Variants in TICRR observed in about 807,000 individuals in gnomAD.
TICRR encodes the protein treslin.
Under a neutral mutation model 178.1 loss-of-function variants are expected in TICRR, and 132 were observed. The ratio of observed to expected loss-of-function variants is 0.74; its 90% confidence interval spans 0.64 to 0.86. The LOEUF (loss-of-function observed/expected upper bound fraction) is 0.86, where lower values mean the gene tolerates loss of function less well. TICRR is among the 40% of genes least tolerant of loss of function. The pLI, the probability that TICRR is intolerant of heterozygous loss-of-function variation, is 0.00. For missense variants in TICRR, 2,587 were observed against 2,334.3 expected, an observed-to-expected ratio of 1.11 and a Z score of -2.23; for synonymous variants, 991 against 900.7, an observed-to-expected ratio of 1.10 and a Z score of -1.79.
In TICRR at chr15:89,585,704, G is replaced by A. The variant is rs375398059; in HGVS notation, c.1177-4G>A. 31 of 1,607,780 alleles carry A rather than the reference G, an allele frequency of 1.9e-5. No homozygotes were observed. Among genetic ancestry groups the A allele is most frequent in the Middle Eastern group, 1.6e-4 (1 of 6,074 alleles). On this transcript the variant is annotated splice_polypyrimidine_tract_variant and splice_region_variant and intron_variant, in intron 3 of 21. Transcript: ENST00000268138. ...TTCTCAACTAATTAGGGCTTCTCAC[G>A]TAGGTTGCTGATGTGGACCCTGGTG...
chr15:89,601,728 G>C lies in TICRR; in HGVS notation c.2328-9G>C. ...TAACTGTTCCGTATTCGATCAATCT[G>C]TTCCACAGGTATATTGACTCTATCC... On this transcript the variant is annotated splice_polypyrimidine_tract_variant and intron_variant, in intron 11 of 21. Coordinates refer to ENST00000268138, the MANE Select transcript of TICRR (RefSeq NM_152259.4). 1.2e-6 allele frequency: 2 copies of C among 1,614,090 alleles called. No homozygotes were observed. Among genetic ancestry groups the C allele is most frequent in the African/African-American group, 2.7e-5 (2 of 75,040 alleles).
At chr15:89,595,099 A>G (rs952639151) in intron 6 of TICRR, among the ~76,000 whole-genome samples, 1 of 152,202 alleles carries the variant, frequency 6.6e-6, no homozygotes, top group Non-Finnish European at 1.5e-5. Context: ...GCCATTGGGT[A>G]ACACCAAAAT....
At position 89,584,302 on chromosome 15, in the gene TICRR, A is replaced by G; in HGVS notation, c.951A>G (p.Gln317=). The G allele has an allele frequency of 3.1e-6, 5 of 1,605,838 alleles. No homozygotes were observed. The highest frequency in any genetic ancestry group is 4.3e-6 in the Non-Finnish European group (5 of 1,176,418). The change falls in exon 3 of 22, where the codon CAA becomes CAG. Residue 317 remains glutamine (Q), a synonymous_variant. Transcript: ENST00000268138. ...TATTTCTAGCAGGCAAAGAGATTCA[A>G]GAAACATGGACAGTCACCCTAGAGC... ...FLPVEAGKEI[Q]ETWTVTLEPL... is the part of the protein sequence containing the mutation.
At chr15:89,593,458 A>G (rs1962946351) in intron 5 of TICRR, among the ~76,000 whole-genome samples, 1 of 152,162 alleles carries the variant, frequency 6.6e-6, no homozygotes, top group African/African-American at 2.4e-5. Flanking sequence ...TAACCCCAGT[A>G]CTTTGGGAAG....
chr15:89,617,773 C>T (rs904916116), intron 16 of TICRR, among the ~76,000 whole-genome samples: 2 of 150,500 alleles, frequency 1.3e-5, no homozygotes, highest in Non-Finnish European at 2.9e-5. Flanking sequence ...CTCACTGCAA[C>T]GTCTGCCTCC....
chr15:89,582,661 A>C, intron 1 of TICRR, 25 bp from the exon 2 acceptor site: 2 of 1,606,184 alleles, frequency 1.2e-6, no homozygotes, highest in Non-Finnish European at 1.7e-6. Flanking sequence ...ATAGTAACCT[A>C]AGGTTGTTTG....
intron 19 of TICRR, among the ~76,000 whole-genome samples, chr15:89,622,406 G>C (rs1223887589): frequency 1.3e-5 from 2 of 152,200 alleles, no homozygotes; most frequent in East Asian, 3.9e-4. Flanking sequence ...TCCACCCAGA[G>C]GTCAGAGTGA....
rs369290342 is a variant in TICRR, at chr15:89,582,674, G to A, written c.655-12G>A. On this transcript the variant is annotated splice_polypyrimidine_tract_variant and intron_variant, in intron 1 of 21. Coordinates refer to ENST00000268138, the MANE Select transcript of TICRR (RefSeq NM_152259.4). ...TTATAGTAACCTAAGGTTGTTTGTC[G>A]TTTTATTTTAGTTGTGGGAATCCCC... is the stretch of plus-strand genomic sequence containing the variant. The A allele has an allele frequency of 1.1e-4, 169 of 1,608,802 alleles. No individual in the cohort carries two copies. The highest frequency in any genetic ancestry group is 3.6e-4 in the African/African-American group (27 of 74,742).
intron 7 of TICRR, among the ~76,000 whole-genome samples, chr15:89,598,626 A>G (rs1963040377): frequency 6.6e-6 from 1 of 151,804 alleles, no homozygotes; most frequent in Admixed American, 6.6e-5. Context: ...GGCCTCCCAA[A>G]CTGTTAGGAT....
chr15:89,613,066 C>T (rs1026446715), intron 15 of TICRR, among the ~76,000 whole-genome samples: 3 of 152,146 alleles, frequency 2.0e-5, no homozygotes, highest in Non-Finnish European at 4.4e-5. Context: ...ACCCTAGTGC[C>T]CTTTCCTTTC....
intron 2 of TICRR, 151 bp from the exon 3 acceptor site, chr15:89,584,135 G>A (rs1225108232): frequency 9.4e-6 from 7 of 748,198 alleles, no homozygotes; most frequent in Non-Finnish European, 1.4e-5. Context: ...GTGTTGAAGT[G>A]TTCAACTAAG....
rs1962591654 is a variant in TICRR, at chr15:89,575,477, G to C, written c.-110G>C. 9 of 1,146,412 alleles carry C rather than the reference G, an allele frequency of 7.9e-6. No homozygotes were observed. In the South Asian group the frequency reaches 1.0e-4, roughly 13 times the overall value. 71.0% of individuals were successfully genotyped at this position (1,146,412 alleles called of 1,614,324 possible). A position where few individuals can be genotyped will look rare whatever the true frequency, so the allele number is the denominator to read the frequency against. On this transcript the variant is annotated 5_prime_UTR_variant, in exon 1 of 22. Transcript: ENST00000268138. The stretch of plus-strand genomic sequence containing the variant: ...TTCCTGGAGAGCGCGGGAGCCTTTC[G>C]ACCAGGGTCCCAAAGGAAAGCAGTG...
At chr15:89,615,203 G>C (rs1020754918) in intron 15 of TICRR, among the ~76,000 whole-genome samples, 1 of 152,184 alleles carries the variant, frequency 6.6e-6, no homozygotes, top group Non-Finnish European at 1.5e-5. Flanking sequence ...TGCTGTCAGG[G>C]AAAAAGGTGG....
chr15:89,607,232 G>A (rs994021874), intron 14 of TICRR, among the ~76,000 whole-genome samples: 3 of 152,062 alleles, frequency 2.0e-5, no homozygotes, highest in African/African-American at 7.2e-5. Context: ...TGAAGAAGCG[G>A]TGTATGCTAG....
intron 15 of TICRR, 31 bp from the exon 16 acceptor site, chr15:89,616,374 A>G: frequency 6.3e-7 from 1 of 1,599,434 alleles, no homozygotes; most frequent in Non-Finnish European, 8.6e-7. Context: ...GTTAAATGAA[A>G]TTTATGATTT....
At position 89,595,758 on chromosome 15, in the gene TICRR, C is replaced by G. The variant is rs570651385; in HGVS notation, c.1900+147C>G. 7.7e-6 allele frequency: 5 copies of G among 652,358 alleles called. No homozygotes were observed. In the East Asian group the frequency reaches 1.1e-4, roughly 15 times the overall value. The allele number at this position is 652,358 out of a possible 1,614,324, so 40.4% of individuals were successfully genotyped here. ...GTAAATAATAAGATAATGTGCTATT[C>G]TTAGATTTATGATCTAGCTACAAAG... On this transcript the variant is annotated intron_variant, in intron 7 of 21. Transcript: ENST00000268138.
Position 89,623,820 on chromosome 15 carries a change from T to G in TICRR, c.3510T>G (p.Asp1170Glu). The G allele has an allele frequency of 6.2e-7, 1 of 1,613,592 alleles. No individual in the cohort carries two copies. The highest frequency in any genetic ancestry group is 8.5e-7 in the Non-Finnish European group (1 of 1,179,936). ...CACCCGGCCATGACTCACCATTGGA[T>G]TCAAAAATCACTCCTCAAAAACGAC... ...SSSPGHDSPLDSKITPQKRHT... is the reference protein window; with the variant it reads ...SSSPGHDSPLESKITPQKRHT... The change falls in exon 20 of 22, where the codon GAT (aspartate) becomes GAG (glutamate). Residue 1170 changes from aspartate to glutamate, a missense_variant. Physicochemically the swap from Asp to Glu is conservative, Grantham distance 45. Transcript: ENST00000268138.
intron 19 of TICRR, among the ~76,000 whole-genome samples, chr15:89,621,759 TGGA>T (rs775529836): frequency 6.6e-6 from 1 of 152,052 alleles, no homozygotes; most frequent in African/African-American, 2.4e-5. Flanking sequence ...GTGGGGGCGG[TGGA>T]GGAGGAGATA....
chr15:89,611,393 G>A (rs1185739723), intron 15 of TICRR, among the ~76,000 whole-genome samples: 7 of 152,068 alleles, frequency 4.6e-5, no homozygotes, highest in Admixed American at 3.3e-4. Context: ...CTCTATTGCT[G>A]CTTTCCAGAT....
Sources: gnomAD v4.1 joint callset for allele counts (sites outside exome capture counted in the v4.1 genomes callset) on GRCh38, gnomAD v4.1.1 for gene constraint, MANE v1.5 for transcripts, NCBI Gene and HGNC (gene_info 2026-07-23, HGNC 2026-07-21) for gene names.